Variants in CDKAL1 observed in about 807,000 individuals in gnomAD.
The protein encoded by CDKAL1 is CDKAL1 threonylcarbamoyladenosine tRNA methylthiotransferase.
Under a neutral mutation model 68.2 loss-of-function variants are expected in CDKAL1, and 32 were observed. The observed-to-expected ratio is 0.47, with a 90% CI of 0.35 to 0.63. The LOEUF is 0.63. CDKAL1 is among the 30% of genes least tolerant of loss of function. The pLI, the probability that CDKAL1 is intolerant of heterozygous loss-of-function variation, is 0.00. For synonymous variants in CDKAL1, 234 were observed against 244.3 expected, an observed-to-expected ratio of 0.96 and a Z score of 0.39; for missense variants, 606 against 696.7, an observed-to-expected ratio of 0.87 and a Z score of 1.47.
chr6:20,895,599 G>A (rs1257814220), intron 9 of CDKAL1, among the ~76,000 whole-genome samples: 1 of 152,174 alleles, frequency 6.6e-6, no homozygotes. Flanking sequence ...CATTCAGTAT[G>A]TTCTTATCAT....
chr6:20,916,046 T>C (rs1476756453), intron 9 of CDKAL1, among the ~76,000 whole-genome samples: 1 of 152,124 alleles, frequency 6.6e-6, no homozygotes, highest in Non-Finnish European at 1.5e-5. Flanking sequence ...GAATAAAGGC[T>C]ATAAAGGGAT....
At chr6:20,942,897 A>G (rs1328985958) in intron 9 of CDKAL1, among the ~76,000 whole-genome samples, 2 of 147,196 alleles carry the variant, frequency 1.4e-5, no homozygotes, top group Non-Finnish European at 3.0e-5. Context: ...AGAGGTTGCA[A>G]TGAGTGGAGA....
At chr6:20,874,723 G>A (rs144540758) in intron 9 of CDKAL1, among the ~76,000 whole-genome samples, 2,472 of 151,890 alleles carry the variant, frequency 0.016, 31 homozygotes, top group Non-Finnish European at 0.027. Context: ...GGCTGGTCTC[G>A]AACTCCGGGC....
At chr6:20,950,625 A>C (rs1764476809) in intron 9 of CDKAL1, among the ~76,000 whole-genome samples, 1 of 152,158 alleles carries the variant, frequency 6.6e-6, no homozygotes, top group East Asian at 1.9e-4. Context: ...GAAAGACTCA[A>C]GGATAAAATT....
chr6:21,163,755 C>T (rs1351046136), intron 13 of CDKAL1, among the ~76,000 whole-genome samples: 1 of 152,084 alleles, frequency 6.6e-6, no homozygotes, highest in Non-Finnish European at 1.5e-5. Context: ...GAGTTTGAGA[C>T]CAGCCTGGCC....
chr6:21,087,592 TC>T (rs1225592919), intron 12 of CDKAL1, among the ~76,000 whole-genome samples: 1 of 152,178 alleles, frequency 6.6e-6, no homozygotes, highest in Non-Finnish European at 1.5e-5. Flanking sequence ...CCTCAGCTGA[TC>T]CTCCAAAAAC....
At chr6:20,732,656 A>G (rs1475588002) in intron 5 of CDKAL1, among the ~76,000 whole-genome samples, 2 of 152,090 alleles carry the variant, frequency 1.3e-5, no homozygotes, top group Non-Finnish European at 2.9e-5. Flanking sequence ...TGGAGCCATA[A>G]GGCTAGTTAA....
intron 12 of CDKAL1, among the ~76,000 whole-genome samples, chr6:21,099,911 G>A (rs1383464048): frequency 2.6e-5 from 4 of 152,184 alleles, no homozygotes. Context: ...TGCTAGCCTT[G>A]CCTTTGTTAC....
At chr6:20,988,059 A>G (rs1766572893) in intron 10 of CDKAL1, among the ~76,000 whole-genome samples, 1 of 151,588 alleles carries the variant, frequency 6.6e-6, no homozygotes, top group African/African-American at 2.4e-5. Flanking sequence ...TATTGAGATT[A>G]CAAGTGTGAG....
chr6:20,548,123 C>T (rs555581781), intron 3 of CDKAL1, among the ~76,000 whole-genome samples: 2 of 152,154 alleles, frequency 1.3e-5, no homozygotes, highest in South Asian at 4.1e-4. Context: ...TTTGATACAA[C>T]AACAGATTTT....
intron 15 of CDKAL1, among the ~76,000 whole-genome samples, chr6:21,220,924 T>A (rs1317414779): frequency 6.6e-6 from 1 of 152,098 alleles, no homozygotes; most frequent in African/African-American, 2.4e-5. Flanking sequence ...CCCAGCACTT[T>A]GGGAGGCCGA....
At chr6:20,623,705 A>G (rs1250916341) in intron 4 of CDKAL1, among the ~76,000 whole-genome samples, 1 of 152,126 alleles carries the variant, frequency 6.6e-6, no homozygotes, top group Admixed American at 6.6e-5. Flanking sequence ...ATAAAGAAAA[A>G]TAGCAGTATG....
chr6:21,190,548 G>T (rs1045154258), intron 13 of CDKAL1, among the ~76,000 whole-genome samples: 6 of 151,992 alleles, frequency 3.9e-5, no homozygotes, highest in Non-Finnish European at 8.8e-5. Flanking sequence ...TTGTATTTTT[G>T]TAGAGATGGA....
intron 15 of CDKAL1, among the ~76,000 whole-genome samples, chr6:21,206,537 T>G (rs1297397619): frequency 6.6e-6 from 1 of 152,220 alleles, no homozygotes; most frequent in African/African-American, 2.4e-5. Context: ...TGGTACGAGA[T>G]AGAAAAGAAC....
chr6:20,938,669 T>C (rs1372051858), intron 9 of CDKAL1, among the ~76,000 whole-genome samples: 1 of 152,212 alleles, frequency 6.6e-6, no homozygotes, highest in Non-Finnish European at 1.5e-5. Flanking sequence ...CTTCCCATTT[T>C]TGTGGCTATT....
At chr6:21,224,419 CAGG>C (rs2151127241) in intron 15 of CDKAL1, among the ~76,000 whole-genome samples, 1 of 152,290 alleles carries the variant, frequency 6.6e-6, no homozygotes, top group Non-Finnish European at 1.5e-5. Flanking sequence ...GAGGCTCAAA[CAGG>C]AGAATTGCCT....
chr6:20,539,563 G>A lies in CDKAL1; in HGVS notation c.-6+4169G>A, dbSNP rs1438461114. On this transcript the variant is annotated intron_variant, in intron 2 of 15. Coordinates refer to ENST00000274695, the MANE Select transcript of CDKAL1 (RefSeq NM_017774.3). This position sits in a 1 kb window ranked among gnomAD's most constrained non-coding sequence, Gnocchi z 4.3. ...GCAAAGTCCTTAAGGGCTTGAGTGAGTGAGCCATTCAGGTGTCTTAAGTAA... is the reference window on the plus strand; with the variant it reads ...GCAAAGTCCTTAAGGGCTTGAGTGAATGAGCCATTCAGGTGTCTTAAGTAA... 6.6e-6 allele frequency among the ~76,000 whole-genome samples: 1 copy of A among 152,202 alleles called. No individual in the cohort carries two copies. Among genetic ancestry groups the A allele is most frequent in the Non-Finnish European group, 1.5e-5 (1 of 68,036 alleles).
intron 9 of CDKAL1, among the ~76,000 whole-genome samples, chr6:20,950,290 A>G (rs903190317): frequency 1.3e-5 from 2 of 151,758 alleles, no homozygotes; most frequent in African/African-American, 4.8e-5. Context: ...ACGCCCGGCT[A>G]ATTTTGTATT....
intron 10 of CDKAL1, among the ~76,000 whole-genome samples, chr6:20,992,863 T>C (rs1459038684): frequency 6.6e-6 from 1 of 151,316 alleles, no homozygotes; most frequent in Admixed American, 6.6e-5. Flanking sequence ...GATTGCACTT[T>C]TGCACTCCAG....
Sources: allele counts gnomAD v4.1 joint callset (sites outside exome capture counted in the v4.1 genomes callset), GRCh38; gene constraint gnomAD v4.1.1; non-coding constraint Gnocchi (gnomAD v3.1); transcripts MANE v1.5; gene names NCBI Gene and HGNC (gene_info 2026-07-23, HGNC 2026-07-21).